FAAH2: variants seen among roughly 807,000 people sequenced by gnomAD.
FAAH2 encodes fatty acid amide hydrolase 2.
A neutral mutation model predicts 36.9 loss-of-function variants in FAAH2; 60 were observed. The ratio of observed to expected loss-of-function variants is 1.63; its 90% CI spans 1.32 to 2.02. The LOEUF (loss-of-function observed/expected upper bound fraction) is 2.02, where lower values mean the gene tolerates loss of function less well. Among genes scored for constraint, FAAH2 ranks in the 30% most tolerant of loss-of-function variants. The pLI is 0.00. For missense variants in FAAH2, 689 were observed against 397.5 expected (o/e 1.73, Z -6.23); for synonymous variants, 214 against 143.8 (o/e 1.49, Z -3.49).
chrX:57,294,940 A>T (rs983008937), intron 2 of FAAH2, among the ~76,000 whole-genome samples: 2 of 112,225 alleles, frequency 1.8e-5, no homozygotes, highest in Admixed American at 9.5e-5. Context: ...AAAACAAAAA[A>T]AAAGTAACAC....
chrX:57,427,195 TAGAAATCATGAGCAGATC>T lies in FAAH2; in HGVS notation c.997-4716_997-4699del, dbSNP rs1409683642. 2.7e-5 allele frequency among the ~76,000 whole-genome samples: 3 copies of T among 109,603 alleles called. No homozygotes were observed. In the Admixed American group the frequency reaches 2.9e-4, roughly 11 times the overall value. ...CTCCTAAGATTGAAACGGAAAAAAA[TAGAAATCATGAGCAGATC>T]AGAAATGAGTACTGAGATTGAGTAA... On this transcript the variant is annotated intron_variant, in intron 7 of 10. Transcript: ENST00000374900.
chrX:57,220,444 G>A, the FAAH2 span, among the ~76,000 whole-genome samples: 2 of 110,915 alleles, frequency 1.8e-5, no homozygotes, highest in Non-Finnish European at 3.8e-5. Flanking sequence ...CAAACCCTCA[G>A]AAGGAATCAG....
the FAAH2 span, among the ~76,000 whole-genome samples, chrX:57,192,111 C>T: frequency 9.0e-6 from 1 of 111,564 alleles, no homozygotes; most frequent in Admixed American, 9.5e-5. Flanking sequence ...CATGAAATCT[C>T]TCCTCTTTTG....
At chrX:57,199,809 A>G in the FAAH2 span, among the ~76,000 whole-genome samples, 1 of 112,095 alleles carries the variant, frequency 8.9e-6, no homozygotes, top group Non-Finnish European at 1.9e-5. Context: ...TTCTTGTTGA[A>G]TTAACCCTAA....
chrX:57,194,742 C>G, the FAAH2 span, among the ~76,000 whole-genome samples: 1 of 110,670 alleles, frequency 9.0e-6, no homozygotes, highest in East Asian at 2.8e-4. Flanking sequence ...ACCTACTCCC[C>G]CCCTTCCACT....
At chrX:57,267,539 C>A in the FAAH2 span, among the ~76,000 whole-genome samples, 1 of 112,518 alleles carries the variant, frequency 8.9e-6, no homozygotes, top group African/African-American at 3.2e-5. Flanking sequence ...ATAACCCCAA[C>A]CCTTGGCTGC....
At chrX:57,382,742 G>A (rs1472139137) in intron 7 of FAAH2, among the ~76,000 whole-genome samples, 2 of 111,108 alleles carry the variant, frequency 1.8e-5, no homozygotes, top group Non-Finnish European at 3.8e-5. Context: ...AATTCTACCA[G>A]AGGTACAAGG....
chrX:57,262,092 C>T, the FAAH2 span, among the ~76,000 whole-genome samples: 1 of 110,306 alleles, frequency 9.1e-6, no homozygotes, highest in Admixed American at 9.8e-5. Flanking sequence ...CTTTTCTTTA[C>T]TCCTGCTACT....
intron 3 of FAAH2, among the ~76,000 whole-genome samples, chrX:57,322,407 C>G (rs1270700328): frequency 9.0e-6 from 1 of 111,448 alleles, no homozygotes; most frequent in African/African-American, 3.3e-5. Context: ...AGTGACCTAC[C>G]CTTTCTCTCT....
chrX:57,428,774 C>T (rs1001592927), intron 7 of FAAH2, among the ~76,000 whole-genome samples: 25 of 111,705 alleles, frequency 2.2e-4, no homozygotes, highest in Non-Finnish European at 1.9e-5. Flanking sequence ...AAGACCAAAA[C>T]TATAAAAATA....
intron 3 of FAAH2, among the ~76,000 whole-genome samples, chrX:57,328,257 G>T (rs1477329726): frequency 9.0e-6 from 1 of 111,650 alleles, no homozygotes; most frequent in East Asian, 2.8e-4. Context: ...CTACTTGGGG[G>T]TGCCTCCCAG....
chrX:57,462,561 A>T (rs1017202490), intron 10 of FAAH2, among the ~76,000 whole-genome samples: 1 of 112,624 alleles, frequency 8.9e-6, no homozygotes, highest in Non-Finnish European at 1.9e-5. Flanking sequence ...TAAAAAACAC[A>T]TGATTATCTC....
chrX:57,410,120 T>C (rs2055662879), intron 7 of FAAH2, among the ~76,000 whole-genome samples: 1 of 111,376 alleles, frequency 9.0e-6, no homozygotes, highest in African/African-American at 3.3e-5. Context: ...CTTTTATTAG[T>C]TGACCCATTT....
At chrX:57,486,281 T>C (rs974129188) in intron 10 of FAAH2, among the ~76,000 whole-genome samples, 4 of 111,715 alleles carry the variant, frequency 3.6e-5, no homozygotes, top group African/African-American at 1.3e-4. Flanking sequence ...AGCACTTGCC[T>C]TCTGGCCTGA....
At chrX:57,147,991 A>G in the FAAH2 span, among the ~76,000 whole-genome samples, 45,836 of 110,726 alleles carry the variant, frequency 0.41, 8,949 homozygotes, top group African/African-American at 0.75. Flanking sequence ...AGCCTATTAC[A>G]TAGAATTTTC....
chrX:57,428,947 G>A (rs766205872), intron 7 of FAAH2, among the ~76,000 whole-genome samples: 59 of 111,375 alleles, frequency 5.3e-4, no homozygotes, highest in Non-Finnish European at 1.0e-3. Context: ...AACAGACAAC[G>A]TGCAGAATGG....
intron 3 of FAAH2, among the ~76,000 whole-genome samples, chrX:57,312,147 C>G (rs1030286311): frequency 2.7e-5 from 3 of 112,494 alleles, no homozygotes; most frequent in Non-Finnish European, 5.6e-5. Context: ...TCCCAAATCC[C>G]AGGAGCAGAT....
intron 8 of FAAH2, among the ~76,000 whole-genome samples, chrX:57,435,052 G>A (rs1486741221): frequency 9.0e-6 from 1 of 111,672 alleles, no homozygotes; most frequent in East Asian, 2.8e-4. Flanking sequence ...GAGAAATAAA[G>A]TCTTTTCCAG....
chrX:57,421,306 T>C lies in FAAH2; in HGVS notation c.997-10612T>C, dbSNP rs754625818. 4.5e-5 allele frequency among the ~76,000 whole-genome samples: 5 copies of C among 111,765 alleles called. No homozygotes were observed. The South Asian group carries it at 1.9e-3, about 42-fold the overall frequency. ...TAAAAATACGAAAATTATCCAGGTG[T>C]GGTGGTGTGCGCCTGTAATCCCAGC... On this transcript the variant is annotated intron_variant, in intron 7 of 10. Coordinates refer to ENST00000374900, the MANE Select transcript of FAAH2 (RefSeq NM_174912.4).
Sources: gnomAD v4.1 joint callset for allele counts (sites outside exome capture counted in the v4.1 genomes callset) on GRCh38, gnomAD v4.1.1 for gene constraint, MANE v1.5 for transcripts, NCBI Gene and HGNC (gene_info 2026-07-23, HGNC 2026-07-21) for gene names.